Variants in CPNE8 observed in about 807,000 individuals in gnomAD.
CPNE8 encodes the protein copine 8.
In CPNE8, 45 loss-of-function variants were observed where a neutral mutation model predicts 81.5. The ratio of observed to expected loss-of-function variants is 0.55; its 90% CI spans 0.44 to 0.71. CPNE8 has a LOEUF of 0.71. Among genes scored for constraint, CPNE8 ranks in the 30% least tolerant of loss-of-function variants. The pLI is 0.00. For synonymous variants in CPNE8, 252 were observed against 226.3 expected, an observed-to-expected ratio of 1.11 and a Z score of -1.02; for missense variants, 594 against 672.1, an observed-to-expected ratio of 0.88 and a Z score of 1.28.
At chr12:38,697,861 C>T (rs1939835358) in intron 14 of CPNE8, among the ~76,000 whole-genome samples, 1 of 152,160 alleles carries the variant, frequency 6.6e-6, no homozygotes, top group African/African-American at 2.4e-5. Context: ...CCTTTGCATT[C>T]CATCATGATT....
intron 18 of CPNE8, 81 bp downstream of exon 18, chr12:38,675,636 C>A (rs1939270607): frequency 6.7e-6 from 6 of 897,936 alleles, no homozygotes; most frequent in Admixed American, 1.9e-5. Context: ...TCTAAAGAGA[C>A]AAGAATGGCA....
chr12:38,669,407 C>T (rs1939126365), intron 19 of CPNE8, among the ~76,000 whole-genome samples: 1 of 152,062 alleles, frequency 6.6e-6, no homozygotes, highest in South Asian at 2.1e-4. Context: ...TCTAAGAGTT[C>T]TATTTCAGGA....
In CPNE8 at chr12:38,879,015, AT is replaced by A. The variant is rs1325522130; in HGVS notation, c.99-4505del. On this transcript the variant is annotated intron_variant, in intron 1 of 19. Coordinates refer to ENST00000331366, the MANE Select transcript of CPNE8 (RefSeq NM_153634.3). ...ACAACAACAAAAGCCAGGTACAGTA[AT>A]TAGTTCTTATTCCAACTATTTTTCA... 3.9e-5 allele frequency among the ~76,000 whole-genome samples: 6 copies of A among 152,332 alleles called. No homozygotes were observed. In the East Asian group the frequency reaches 7.7e-4, roughly 20 times the overall value.
At chr12:38,826,840 TA>T (rs1276223519) in intron 6 of CPNE8, among the ~76,000 whole-genome samples, 1 of 151,914 alleles carries the variant, frequency 6.6e-6, no homozygotes, top group African/African-American at 2.4e-5. Flanking sequence ...AAAAAACAGA[TA>T]AAAATTTCCA....
chr12:38,781,019 G>A (rs1305060777), intron 6 of CPNE8, among the ~76,000 whole-genome samples: 2 of 151,972 alleles, frequency 1.3e-5, no homozygotes, highest in Non-Finnish European at 2.9e-5. Context: ...GCATTAATCA[G>A]CAAGGTGATA....
chr12:38,667,888 C>CTAA (rs1939094051), intron 19 of CPNE8, among the ~76,000 whole-genome samples: 2 of 152,078 alleles, frequency 1.3e-5, no homozygotes, highest in African/African-American at 4.8e-5. Context: ...ATCTCCACCT[C>CTAA]CTGGGCTCAA....
chr12:38,811,588 C>T (rs1424920208), intron 6 of CPNE8, among the ~76,000 whole-genome samples: 1 of 152,146 alleles, frequency 6.6e-6, no homozygotes, highest in African/African-American at 2.4e-5. Context: ...GGCATGGTGG[C>T]TCACATTTGA....
At chr12:38,702,664 A>G (rs527682475) in intron 14 of CPNE8, among the ~76,000 whole-genome samples, 3 of 152,226 alleles carry the variant, frequency 2.0e-5, no homozygotes, top group Admixed American at 2.0e-4. Flanking sequence ...AATCTGAATG[A>G]GACTATTAGC....
At chr12:38,876,224 T>C (rs1186749821) in intron 1 of CPNE8, among the ~76,000 whole-genome samples, 3 of 152,250 alleles carry the variant, frequency 2.0e-5, no homozygotes, top group African/African-American at 4.8e-5. Context: ...GAGTATTCTT[T>C]TTTTTTGAGA....
chr12:38,850,146 T>C (rs1943623328), intron 3 of CPNE8, among the ~76,000 whole-genome samples: 1 of 152,114 alleles, frequency 6.6e-6, no homozygotes, highest in African/African-American at 2.4e-5. Flanking sequence ...CAGAGGTCAG[T>C]AAGTTCAAGT....
chr12:38,739,768 G>T (rs1231304176), intron 10 of CPNE8, among the ~76,000 whole-genome samples: 3 of 152,052 alleles, frequency 2.0e-5, no homozygotes, highest in African/African-American at 7.2e-5. Flanking sequence ...TAAAAATGCA[G>T]CCCTAATCTC....
At chr12:38,900,839 G>C (rs1216559627) in intron 1 of CPNE8, among the ~76,000 whole-genome samples, 1 of 152,188 alleles carries the variant, frequency 6.6e-6, no homozygotes, top group Non-Finnish European at 1.5e-5. Context: ...ACTTACACCA[G>C]GTCAGGAAGG....
At chr12:38,722,734 T>A (rs1052190500) in intron 13 of CPNE8, among the ~76,000 whole-genome samples, 1 of 152,210 alleles carries the variant, frequency 6.6e-6, no homozygotes, top group African/African-American at 2.4e-5. Context: ...ATGCTTTTTT[T>A]AAATCTCTGG....
Position 38,884,768 on chromosome 12 carries a change from T to C in CPNE8, c.99-10257A>G, listed in dbSNP as rs1415079968. Reference sequence around the variant, plus strand: ...CCACATACCTGATCACCACACGTTTTATCAGTTTGGTTTTTTTAAGCCTAA... The same window carrying C: ...CCACATACCTGATCACCACACGTTTCATCAGTTTGGTTTTTTTAAGCCTAA... On this transcript the variant is annotated intron_variant, in intron 1 of 19. Coordinates refer to ENST00000331366, the MANE Select transcript of CPNE8 (RefSeq NM_153634.3). 2.0e-5 allele frequency among the ~76,000 whole-genome samples: 3 copies of C among 152,306 alleles called. No homozygotes were observed. In the East Asian group the frequency reaches 5.8e-4, roughly 29 times the overall value.
At chr12:38,898,432 G>T (rs759069447) in intron 1 of CPNE8, among the ~76,000 whole-genome samples, 106 of 152,166 alleles carry the variant, frequency 7.0e-4, no homozygotes, top group Non-Finnish European at 1.1e-3. Context: ...ATCAAAAAAG[G>T]CACTACAGGG....
intron 6 of CPNE8, among the ~76,000 whole-genome samples, chr12:38,819,950 G>A (rs1943087450): frequency 6.6e-6 from 1 of 151,792 alleles, no homozygotes; most frequent in South Asian, 2.1e-4. Context: ...TTCTTAGCCT[G>A]CATTTTGAAT....
At chr12:38,743,769 G>A (rs1941162958) in intron 10 of CPNE8, among the ~76,000 whole-genome samples, 1 of 151,796 alleles carries the variant, frequency 6.6e-6, no homozygotes, top group Non-Finnish European at 1.5e-5. Flanking sequence ...GTAATATTTA[G>A]GGTACATTAG....
rs562824223 is a variant in CPNE8, at chr12:38,754,135, C to T, written c.722+6712G>A. Among the ~76,000 whole-genome samples, 32 of 152,244 alleles carry T rather than the reference C, an allele frequency of 2.1e-4. No individual in the cohort carries two copies. In the South Asian group the frequency reaches 6.4e-3, roughly 31 times the overall value. On this transcript the variant is annotated intron_variant, in intron 10 of 19. Coordinates refer to ENST00000331366, the MANE Select transcript of CPNE8 (RefSeq NM_153634.3). ...TTCATACAAATGACAGCACTGAAAT[C>T]GGACCTGAACAGAATATCAACAGGC...
At chr12:38,718,144 G>A (rs2136729270) in intron 13 of CPNE8, among the ~76,000 whole-genome samples, 1 of 152,150 alleles carries the variant, frequency 6.6e-6, no homozygotes, top group South Asian at 2.1e-4. Flanking sequence ...GATAGCCCAA[G>A]GTTTTTGTTT....
Sources: allele counts gnomAD v4.1 joint callset (sites outside exome capture counted in the v4.1 genomes callset), GRCh38; gene constraint gnomAD v4.1.1; transcripts MANE v1.5; gene names NCBI Gene and HGNC (gene_info 2026-07-23, HGNC 2026-07-21).